DLGAP2: variants seen among roughly 807,000 people sequenced by gnomAD.
DLGAP2 encodes DLG associated protein 2.
DLGAP2 carries 26 observed loss-of-function variants against 100.3 expected under a neutral mutation model. The observed-to-expected ratio is 0.26, with a 90% CI of 0.19 to 0.36. DLGAP2 has a LOEUF of 0.36. Ranked by LOEUF, DLGAP2 falls within the 10% of genes least tolerant of loss-of-function variation. The pLI is 1.00. For missense variants in DLGAP2, 1,858 were observed against 1,453.2 expected (o/e 1.28, Z -4.53); for synonymous variants, 886 against 630.1 (o/e 1.41, Z -6.08).
chr8:1,295,415 C>T (rs543231220), intron 3 of DLGAP2, among the ~76,000 whole-genome samples: 1 of 152,324 alleles, frequency 6.6e-6, no homozygotes, highest in Admixed American at 6.5e-5. Context: ...CCCTGGGAAG[C>T]TTCTTCCGGC....
chr8:1,103,523 C>T (rs1419701940), intron 2 of DLGAP2, among the ~76,000 whole-genome samples: 6 of 84,044 alleles, frequency 7.1e-5, no homozygotes, highest in Non-Finnish European at 1.0e-4. Flanking sequence ...CCTTGGTTGA[C>T]GGTGATGACT....
Position 1,346,888 on chromosome 8 carries a change from C to A in DLGAP2, c.106+88005C>A, listed in dbSNP as rs541469047. Reference sequence around the variant, plus strand: ...TGAGTTCCCATACAGAGCTGCGTTGCACTCACGGTAGCTGTGTGGAGGTTG... The same window carrying A: ...TGAGTTCCCATACAGAGCTGCGTTGAACTCACGGTAGCTGTGTGGAGGTTG... On this transcript the variant is annotated intron_variant, in intron 3 of 14. Coordinates refer to ENST00000637795, the MANE Select transcript of DLGAP2 (RefSeq NM_001346810.2). Among the ~76,000 whole-genome samples, 6 of 151,604 alleles carry A rather than the reference C, an allele frequency of 4.0e-5. No individual in the cohort carries two copies. In the East Asian group the frequency reaches 5.9e-4, roughly 15 times the overall value.
chr8:1,265,576 A>C (rs1003737799), intron 3 of DLGAP2, among the ~76,000 whole-genome samples: 6 of 152,212 alleles, frequency 3.9e-5, no homozygotes, highest in Non-Finnish European at 7.3e-5. Flanking sequence ...CCTAGAAGTG[A>C]AGAAATATAC....
chr8:1,235,906 TTC>T lies in DLGAP2; in HGVS notation c.74-22940_74-22939del, dbSNP rs1798641543. ...CTCTGCCACATGGCGCCGTGTCTAG[TTC>T]TCTCACATGGCGCCGTGTCTAGTTC... On this transcript the variant is annotated intron_variant, in intron 2 of 14. Transcript: ENST00000637795. Among the ~76,000 whole-genome samples, 2 of 4,202 alleles carry T rather than the reference TTC, an allele frequency of 4.8e-4. 1 individual carries two copies. The highest frequency in any genetic ancestry group is 3.2e-3 in the Admixed American group (2 of 634). 2.8% of individuals were successfully genotyped at this position (4,202 alleles called of 152,430 possible). A position where few individuals can be genotyped will look rare whatever the true frequency, so the allele number is the denominator to read the frequency against.
At chr8:1,111,189 A>T (rs996401234) in intron 2 of DLGAP2, among the ~76,000 whole-genome samples, 11 of 152,144 alleles carry the variant, frequency 7.2e-5, no homozygotes, top group Non-Finnish European at 1.6e-4. Context: ...AATTAAATAC[A>T]AAGAAAACAT....
At chr8:1,346,231 C>A (rs1801552107) in intron 3 of DLGAP2, among the ~76,000 whole-genome samples, 1 of 151,410 alleles carries the variant, frequency 6.6e-6, no homozygotes. Flanking sequence ...GGTTGAGTTC[C>A]CCGTACACAT....
rs1201253770 is a variant in DLGAP2 at position 1,197,671 on chromosome 8, CCAGCTGTCCATATAAACCTGAGCCACGT to C, written c.74-61177_74-61150del. Among the ~76,000 whole-genome samples the C allele has an allele frequency of 6.9e-3, 463 of 67,198 alleles. 3 individuals carry two copies. The highest frequency in any genetic ancestry group is 0.04 in the African/African-American group (442 of 10,956). The allele number at this position is 67,198 out of a possible 152,430, so 44.1% of individuals were successfully genotyped here. ...ACGCCAATGTGGAGCATCTGGGCCA[CCAGCTGTCCATATAAACCTGAGCCACGT>C]CAATGTGGAGCATCTGGGCCACCAG... On this transcript the variant is annotated intron_variant, in intron 2 of 14. Coordinates refer to ENST00000637795, the MANE Select transcript of DLGAP2 (RefSeq NM_001346810.2).
At chr8:1,278,756 G>T (rs1454080844) in intron 3 of DLGAP2, among the ~76,000 whole-genome samples, 1 of 152,140 alleles carries the variant, frequency 6.6e-6, no homozygotes, top group Admixed American at 6.5e-5. Context: ...ACATAATGAA[G>T]ATCCCTTTGA....
intron 2 of DLGAP2, among the ~76,000 whole-genome samples, chr8:1,001,307 G>C (rs969017712): frequency 6.6e-6 from 1 of 152,146 alleles, no homozygotes; most frequent in South Asian, 2.1e-4. Flanking sequence ...TCATTTTATC[G>C]AGAAGTCTGC....
rs554098157 is a variant in DLGAP2 at position 1,416,263 on chromosome 8, G to T, written c.107-85103G>T. On this transcript the variant is annotated intron_variant, in intron 3 of 14. Transcript: ENST00000637795. ...TCCATACAGAGTGGCGACCAGCCCG[G>T]CCTGGCGGGGGATTGTAGGTTCCCG... Among the ~76,000 whole-genome samples the T allele has an allele frequency of 5.3e-5, 8 of 152,312 alleles. No homozygotes were observed. The East Asian group carries it at 1.5e-3, about 29-fold the overall frequency.
intron 2 of DLGAP2, among the ~76,000 whole-genome samples, chr8:1,057,708 G>A (rs1223572576): frequency 6.6e-6 from 1 of 152,198 alleles, no homozygotes; most frequent in Non-Finnish European, 1.5e-5. Context: ...AACAGCTTGT[G>A]GCCTTTCATC....
intron 3 of DLGAP2, among the ~76,000 whole-genome samples, chr8:1,273,316 C>T (rs910942104): frequency 9.9e-5 from 15 of 152,114 alleles, no homozygotes; most frequent in South Asian, 2.1e-4. Context: ...GAGAGCCCTG[C>T]TGGGGACTTG....
intron 1 of DLGAP2, among the ~76,000 whole-genome samples, chr8:823,935 G>A (rs934673395): frequency 2.0e-5 from 3 of 152,170 alleles, no homozygotes; most frequent in African/African-American, 4.8e-5. Flanking sequence ...TTATACGATG[G>A]AACCCCACTT....
At chr8:1,236,234 C>G (rs1798650427) in intron 2 of DLGAP2, among the ~76,000 whole-genome samples, 1 of 86,506 alleles carries the variant, frequency 1.2e-5, no homozygotes, top group Non-Finnish European at 2.3e-5. Context: ...AGTTCTCTCA[C>G]ATGGCACCAT....
At chr8:1,074,350 C>G (rs547476139) in intron 2 of DLGAP2, among the ~76,000 whole-genome samples, 8 of 152,150 alleles carry the variant, frequency 5.3e-5, no homozygotes, top group Non-Finnish European at 1.2e-4. Flanking sequence ...CACCCAGGTA[C>G]ATATTCAGGA....
chr8:752,827 G>A (rs1339348943), intron 1 of DLGAP2, among the ~76,000 whole-genome samples: 3 of 152,072 alleles, frequency 2.0e-5, no homozygotes, highest in African/African-American at 2.4e-5. Context: ...GGCACTGCAC[G>A]TCGGGCTCAG....
chr8:1,018,192 C>G (rs1464737718), intron 2 of DLGAP2, among the ~76,000 whole-genome samples: 1 of 152,050 alleles, frequency 6.6e-6, no homozygotes, highest in Non-Finnish European at 1.5e-5. Context: ...TGATCCCTGC[C>G]CCTATAGGCC....
intron 1 of DLGAP2, among the ~76,000 whole-genome samples, chr8:819,325 C>G (rs1563048547): frequency 6.6e-6 from 1 of 152,262 alleles, no homozygotes; most frequent in East Asian, 1.9e-4. Flanking sequence ...TAGCAGCCAT[C>G]TGTGATAGAA....
Position 1,701,589 on chromosome 8 carries a change from G to C in DLGAP2, c.*183G>C, listed in dbSNP as rs1053188381. 1.7e-5 allele frequency: 11 copies of C among 645,682 alleles called. No individual in the cohort carries two copies. The highest frequency in any genetic ancestry group is 8.4e-4 in the Middle Eastern group (2 of 2,386). The allele number at this position is 645,682 out of a possible 1,614,324, so 40.0% of individuals were successfully genotyped here. A position where few individuals can be genotyped will look rare whatever the true frequency, so the allele number is the denominator to read the frequency against. On this transcript the variant is annotated 3_prime_UTR_variant, in exon 15 of 15. Transcript: ENST00000637795. ...TCAGAGTCCACGGAGCTCGCGGCGA[G>C]GACGACTTCTGCTTTTGTTGTTGTT...
Sources: allele counts gnomAD v4.1 joint callset (sites outside exome capture counted in the v4.1 genomes callset), GRCh38; gene constraint gnomAD v4.1.1; transcripts MANE v1.5; gene names NCBI Gene and HGNC (gene_info 2026-07-23, HGNC 2026-07-21).